The following ZBTB7C variants were observed in gnomAD, a reference collection of about 807,000 sequenced individuals.
ZBTB7C encodes the protein zinc finger and BTB domain containing 7C.
In ZBTB7C, 8 loss-of-function variants were observed where a neutral mutation model predicts 25.7. The ratio of observed to expected loss-of-function variants is 0.31; its 90% CI spans 0.18 to 0.56. The LOEUF is 0.56. Ranked by LOEUF, ZBTB7C falls within the 20% of genes least tolerant of loss-of-function variation. The pLI is 0.91. For missense variants in ZBTB7C, 824 were observed against 855.2 expected (o/e 0.96, Z 0.46); for synonymous variants, 394 against 369.0 (o/e 1.07, Z -0.78).
At chr18:48,280,871 T>TCG (rs1568349477) in intron 2 of ZBTB7C, among the ~76,000 whole-genome samples, 35 of 110,560 alleles carry the variant, frequency 3.2e-4, no homozygotes, top group Admixed American at 8.7e-5. Flanking sequence ...TTTTTTTTTT[T>TCG]GAGACAGAGT....
At chr18:48,372,010 G>A (rs906525837) in intron 1 of ZBTB7C, among the ~76,000 whole-genome samples, 4 of 152,146 alleles carry the variant, frequency 2.6e-5, no homozygotes, top group East Asian at 1.9e-4. Flanking sequence ...ATCCACCAGC[G>A]GCTCTGCCCA....
chr18:48,347,307 G>A (rs2046762592), intron 1 of ZBTB7C, among the ~76,000 whole-genome samples: 1 of 147,288 alleles, frequency 6.8e-6, no homozygotes, highest in Admixed American at 6.7e-5. Context: ...CCAAAGTGCT[G>A]GGATTATAGG....
At chr18:48,204,784 C>T (rs1442311083) in intron 2 of ZBTB7C, among the ~76,000 whole-genome samples, 2 of 152,200 alleles carry the variant, frequency 1.3e-5, no homozygotes, top group Admixed American at 6.5e-5. Flanking sequence ...CAACACATCC[C>T]AGCTATACCC....
chr18:48,384,607 T>G (rs2047704816), intron 1 of ZBTB7C, among the ~76,000 whole-genome samples: 1 of 152,252 alleles, frequency 6.6e-6, no homozygotes, highest in African/African-American at 2.4e-5. Context: ...TTCGTAAACT[T>G]TCTTAAAACG....
chr18:48,041,423 T>C, intron 3 of ZBTB7C: 3 of 985,430 alleles, frequency 3.0e-6, no homozygotes, highest in Non-Finnish European at 2.4e-6. Flanking sequence ...ATTTCCACTT[T>C]GCCAACATGC....
chr18:48,367,120 TC>T (rs1190286035), intron 1 of ZBTB7C, among the ~76,000 whole-genome samples: 1 of 144,064 alleles, frequency 6.9e-6, no homozygotes, highest in African/African-American at 2.6e-5. Context: ...AGAGAGGGCT[TC>T]CCCTTCTGGG....
intron 3 of ZBTB7C, among the ~76,000 whole-genome samples, chr18:48,045,493 C>T (rs1408212940): frequency 6.6e-6 from 1 of 152,248 alleles, no homozygotes; most frequent in Admixed American, 6.5e-5. Flanking sequence ...CAATGCTCCC[C>T]TCCAATGTGC....
At chr18:48,373,242 G>C (rs1403019136) in intron 1 of ZBTB7C, among the ~76,000 whole-genome samples, 1 of 151,868 alleles carries the variant, frequency 6.6e-6, no homozygotes, top group Non-Finnish European at 1.5e-5. Context: ...TTGTGATAGT[G>C]AGTTCTCACA....
At chr18:48,289,317 C>G (rs2045151105) in intron 2 of ZBTB7C, among the ~76,000 whole-genome samples, 3 of 152,134 alleles carry the variant, frequency 2.0e-5, no homozygotes, top group African/African-American at 7.2e-5. Context: ...AGACATTAAT[C>G]TCAGAGTTGT....
chr18:48,247,001 G>C (rs952827415), intron 2 of ZBTB7C, among the ~76,000 whole-genome samples: 6 of 152,118 alleles, frequency 3.9e-5, no homozygotes, highest in Non-Finnish European at 8.8e-5. Context: ...GATTACCCCA[G>C]GGTTGCAAGC....
chr18:48,074,986 A>G (rs2144427938), intron 3 of ZBTB7C, among the ~76,000 whole-genome samples: 1 of 152,308 alleles, frequency 6.6e-6, no homozygotes, highest in East Asian at 1.9e-4. Flanking sequence ...TGACTCCTCT[A>G]GTTAATTGAA....
At chr18:48,145,187 T>C (rs1337227138) in intron 3 of ZBTB7C, among the ~76,000 whole-genome samples, 2 of 152,228 alleles carry the variant, frequency 1.3e-5, no homozygotes, top group Non-Finnish European at 2.9e-5. Flanking sequence ...CCCACAATAA[T>C]GGCACAAACT....
At chr18:48,179,322 G>T (rs945676129) in intron 3 of ZBTB7C, among the ~76,000 whole-genome samples, 9 of 152,196 alleles carry the variant, frequency 5.9e-5, no homozygotes, top group Non-Finnish European at 4.4e-5. Context: ...AGCAAGGCTT[G>T]TGCCTGGTGG....
intron 2 of ZBTB7C, among the ~76,000 whole-genome samples, chr18:48,284,062 A>T (rs1425165398): frequency 6.6e-6 from 1 of 152,010 alleles, no homozygotes; most frequent in East Asian, 1.9e-4. Flanking sequence ...CACAAGAATC[A>T]CTTGAACCCG....
chr18:48,066,467 G>A (rs1318552981), intron 3 of ZBTB7C, among the ~76,000 whole-genome samples: 2 of 152,226 alleles, frequency 1.3e-5, no homozygotes, highest in Non-Finnish European at 2.9e-5. Flanking sequence ...AGAGGCGAGT[G>A]TGCAGAGACC....
chr18:48,297,366 T>C (rs55728100), intron 2 of ZBTB7C, among the ~76,000 whole-genome samples: 14,166 of 152,272 alleles, frequency 0.093, 884 homozygotes, highest in Non-Finnish European at 0.12. Context: ...TAGACTCTTA[T>C]AGACACGGTA....
chr18:48,143,182 G>A (rs576564358), intron 3 of ZBTB7C, among the ~76,000 whole-genome samples: 2 of 152,280 alleles, frequency 1.3e-5, no homozygotes, highest in Admixed American at 6.5e-5. Context: ...CATATACAGT[G>A]AGGAAGTGGG....
At chr18:48,107,716 A>G (rs898034525) in intron 3 of ZBTB7C, among the ~76,000 whole-genome samples, 1 of 152,122 alleles carries the variant, frequency 6.6e-6, no homozygotes, top group Admixed American at 6.5e-5. Context: ...CTCCCTGGAC[A>G]GCGTACCCTT....
At chr18:48,212,947 C>G (rs771511142) in intron 2 of ZBTB7C, among the ~76,000 whole-genome samples, 12 of 152,214 alleles carry the variant, frequency 7.9e-5, no homozygotes, top group Admixed American at 2.0e-4. Context: ...GGCTACAAAA[C>G]TCCTCAAACC....
Sources: gnomAD v4.1 joint callset for allele counts (sites outside exome capture counted in the v4.1 genomes callset) on GRCh38, gnomAD v4.1.1 for gene constraint, MANE v1.5 for transcripts, NCBI Gene and HGNC (gene_info 2026-07-23, HGNC 2026-07-21) for gene names.